PCDHGA2: variants seen among roughly 807,000 people sequenced by gnomAD.
PCDHGA2 encodes protocadherin gamma subfamily A, 2.
In PCDHGA2, 40 loss-of-function variants were observed where a neutral mutation model predicts 59.2. That is an observed-to-expected ratio of 0.68 (90% CI 0.52 to 0.88). The LOEUF (loss-of-function observed/expected upper bound fraction) is 0.88, where lower values mean the gene tolerates loss of function less well. Ranked by LOEUF, PCDHGA2 falls within the 40% of genes least tolerant of loss-of-function variation. The pLI is 0.00. For synonymous variants in PCDHGA2, 560 were observed against 526.0 expected (o/e 1.06, Z -0.89); for missense variants, 1,226 against 1,204.0 (o/e 1.02, Z -0.27).
chr5:141,471,786 A>AT (rs531568169), intron 1 of PCDHGA2, among the ~76,000 whole-genome samples: 23 of 152,362 alleles, frequency 1.5e-4, no homozygotes, highest in African/African-American at 5.5e-4. Flanking sequence ...ACATTATGCT[A>AT]TGTCATATAA....
At position 141,486,891 on chromosome 5, in the gene PCDHGA2, G is replaced by A. The variant is rs201201426; in HGVS notation, c.2425-7916G>A. 38 of 1,614,118 alleles carry A rather than the reference G, an allele frequency of 2.4e-5. No individual in the cohort carries two copies. The highest frequency in any genetic ancestry group is 3.1e-5 in the Non-Finnish European group (37 of 1,180,064). Reference sequence around the variant, plus strand: ...GTGCTCCGTCCTCGGGCCCGGCCTGGTTCCTTATGTCCCCAAGCACTGCCT... The same window carrying A: ...GTGCTCCGTCCTCGGGCCCGGCCTGATTCCTTATGTCCCCAAGCACTGCCT... On this transcript the variant is annotated intron_variant, in intron 1 of 3. Coordinates refer to ENST00000394576, the MANE Select transcript of PCDHGA2 (RefSeq NM_018915.4). This position sits in a 1 kb window ranked among gnomAD's most constrained non-coding sequence, Gnocchi z 5.0.
Position 141,357,291 on chromosome 5 carries a change from G to T in PCDHGA2, c.2424+15896G>T, listed in dbSNP as rs771398262. 1.9e-6 allele frequency: 3 copies of T among 1,613,944 alleles called. No homozygotes were observed. In the South Asian group the frequency reaches 3.3e-5, roughly 18 times the overall value. ...TCACACTCTATCTCGTGGTGGCAGTGGCCGCTGTCTCCTGCGTCTTCCTGG... is the reference window on the plus strand; with the variant it reads ...TCACACTCTATCTCGTGGTGGCAGTTGCCGCTGTCTCCTGCGTCTTCCTGG... On this transcript the variant is annotated intron_variant, in intron 1 of 3. Coordinates refer to ENST00000394576, the MANE Select transcript of PCDHGA2 (RefSeq NM_018915.4).
Position 141,395,079 on chromosome 5 carries a change from G to A in PCDHGA2, c.2424+53684G>A, listed in dbSNP as rs777930721. On this transcript the variant is annotated intron_variant, in intron 1 of 3. Coordinates refer to ENST00000394576, the MANE Select transcript of PCDHGA2 (RefSeq NM_018915.4). ...GGCTTTCCTGCAGACCTATTCCCAG[G>A]AAGTCTCCCTCACCGCCGACTCGCG... 4.0e-5 allele frequency: 65 copies of A among 1,614,024 alleles called. 1 individual carries two copies. In the Middle Eastern group the frequency reaches 6.6e-4, roughly 16 times the overall value.
intron 1 of PCDHGA2, chr5:141,385,519 T>C (rs1781250310): frequency 2.9e-6 from 4 of 1,366,410 alleles, no homozygotes; most frequent in Admixed American, 3.4e-5. Flanking sequence ...TGAAAGCCTA[T>C]GGACAAGATT....
At chr5:141,422,640 C>T in intron 1 of PCDHGA2, 1 of 1,612,590 alleles carries the variant, frequency 6.2e-7, no homozygotes, top group South Asian at 1.1e-5. Flanking sequence ...GGGGTGCCTC[C>T]ATCTTCTCAG....
chr5:141,397,625 G>A (rs558654986), intron 1 of PCDHGA2, among the ~76,000 whole-genome samples: 2 of 152,338 alleles, frequency 1.3e-5, no homozygotes, highest in South Asian at 4.1e-4. Flanking sequence ...CTTAGTTCTA[G>A]CTAAGAGTTC....
At chr5:141,397,887 G>C in intron 1 of PCDHGA2, 1 of 617,602 alleles carries the variant, frequency 1.6e-6, no homozygotes, top group South Asian at 2.4e-5. Flanking sequence ...GCCGCTGTTG[G>C]CCAAAGTGCA....
At chr5:141,388,539 G>T (rs747974278) in intron 1 of PCDHGA2, 1 of 1,613,740 alleles carries the variant, frequency 6.2e-7, no homozygotes. Context: ...GGACTTTGGA[G>T]CTCCACCCCT....
At chr5:141,414,042 T>A (rs758538745) in intron 1 of PCDHGA2, 1 of 1,611,324 alleles carries the variant, frequency 6.2e-7, no homozygotes, top group South Asian at 1.1e-5. Flanking sequence ...GAAAATTACC[T>A]GACACGCAAT....
intron 1 of PCDHGA2, chr5:141,344,586 G>C (rs924190698): frequency 6.2e-7 from 1 of 1,613,990 alleles, no homozygotes. Flanking sequence ...TGTGAATAGC[G>C]TCTCTGAGGG....
intron 1 of PCDHGA2, chr5:141,345,237 T>C: frequency 6.2e-7 from 1 of 1,613,916 alleles, no homozygotes; most frequent in Non-Finnish European, 8.5e-7. Context: ...AGATCAATAT[T>C]ACCGCTTAGT....
intron 1 of PCDHGA2, chr5:141,350,748 C>A: frequency 6.2e-7 from 1 of 1,613,956 alleles, no homozygotes; most frequent in South Asian, 1.1e-5. Context: ...GAAGGCAATT[C>A]ACTGAAGTTA....
chr5:141,385,411 G>A, intron 1 of PCDHGA2: 1 of 1,474,668 alleles, frequency 6.8e-7, no homozygotes, highest in East Asian at 2.4e-5. Context: ...TTTGAAAATA[G>A]GGATTTAAAA....
At position 141,476,752 on chromosome 5, in the gene PCDHGA2, A is replaced by C. The variant is rs771355583; in HGVS notation, c.2425-18055A>C. The C allele has an allele frequency of 6.2e-7, 1 of 1,613,926 alleles. No homozygotes were observed. The highest frequency in any genetic ancestry group is 1.1e-5 in the South Asian group (1 of 91,080). Reference sequence around the variant, plus strand: ...GAGAACGGGAGCCTAGTCTCCAGTTAGTGCTGACGGCGTTGGACGGAGGGA... The same window carrying C: ...GAGAACGGGAGCCTAGTCTCCAGTTCGTGCTGACGGCGTTGGACGGAGGGA... On this transcript the variant is annotated intron_variant, in intron 1 of 3. Transcript: ENST00000394576. The surrounding 1 kb of genome is among the most constrained non-coding windows in gnomAD (Gnocchi z 7.6).
At chr5:141,475,992 C>A in intron 1 of PCDHGA2, 1 of 1,158,844 alleles carries the variant, frequency 8.6e-7, no homozygotes, top group Non-Finnish European at 1.2e-6. Context: ...GCGAGCAAAT[C>A]AACGGCATCC....
chr5:141,346,127 C>G (rs764043448), intron 1 of PCDHGA2: 1 of 1,613,914 alleles, frequency 6.2e-7, no homozygotes, highest in African/African-American at 1.3e-5. Context: ...TGGCGGTGGC[C>G]GCGGTCTCCT....
At chr5:141,363,192 A>T (rs1762836120) in intron 1 of PCDHGA2, among the ~76,000 whole-genome samples, 1 of 152,264 alleles carries the variant, frequency 6.6e-6, no homozygotes, top group Non-Finnish European at 1.5e-5. Context: ...ATTGCTCTTA[A>T]GAAAAACTAC....
Position 141,489,999 on chromosome 5 carries a change from GA to G in PCDHGA2, c.2425-4806del. On this transcript the variant is annotated intron_variant, in intron 1 of 3. Transcript: ENST00000394576. The surrounding 1 kb of genome is among the most constrained non-coding windows in gnomAD (Gnocchi z 4.5). ...CAGTTCTACGTGTGGGAATCCCAGA[GA>G]ATGCACCCATTGGTACTCTGCTGCT... 1 of 1,614,242 alleles carries G rather than the reference GA, an allele frequency of 6.2e-7. No individual in the cohort carries two copies. Among genetic ancestry groups the G allele is most frequent in the Non-Finnish European group, 8.5e-7 (1 of 1,180,032 alleles).
chr5:141,394,501 T>C (rs768158418), intron 1 of PCDHGA2: 1 of 1,614,216 alleles, frequency 6.2e-7, no homozygotes, highest in Admixed American at 1.7e-5. Context: ...CCCGAGATCC[T>C]GTACCCCGCC....
Sources: allele counts gnomAD v4.1 joint callset (sites outside exome capture counted in the v4.1 genomes callset), GRCh38; gene constraint gnomAD v4.1.1; non-coding constraint Gnocchi (gnomAD v3.1); transcripts MANE v1.5; gene names NCBI Gene and HGNC (gene_info 2026-07-23, HGNC 2026-07-21).